TRAPPC11: variants seen among roughly 807,000 people sequenced by gnomAD.
TRAPPC11 encodes foie gras homolog.
A neutral mutation model predicts 151.2 loss-of-function variants in TRAPPC11; 104 were observed. The ratio of observed to expected loss-of-function variants is 0.69; its 90% CI spans 0.59 to 0.81. The LOEUF (loss-of-function observed/expected upper bound fraction) is 0.81. Ranked by LOEUF, TRAPPC11 falls within the 30% of genes least tolerant of loss-of-function variation. The pLI, the probability that TRAPPC11 is intolerant of heterozygous loss-of-function variation, is 0.00. For synonymous variants in TRAPPC11, 456 were observed against 472.3 expected, an observed-to-expected ratio of 0.97 and a Z score of 0.45; for missense variants, 1,230 against 1,349.6, an observed-to-expected ratio of 0.91 and a Z score of 1.39.
intron 1 of TRAPPC11, 66 bp downstream of exon 1, chr4:183,659,513 C>G (rs930049362): frequency 6.6e-6 from 1 of 152,642 alleles, no homozygotes; most frequent in African/African-American, 2.4e-5. Context: ...TAGCTCTTAA[C>G]AATGCTGGTT....
chr4:183,676,758 T>A (rs1223884988), intron 7 of TRAPPC11, among the ~76,000 whole-genome samples: 1 of 152,190 alleles, frequency 6.6e-6, no homozygotes, highest in Non-Finnish European at 1.5e-5. Flanking sequence ...GTTAAAAAGC[T>A]GTTGACCTGT....
Position 183,675,475 on chromosome 4 carries a change from T to G in TRAPPC11, c.734+238T>G, listed in dbSNP as rs529134520. ...AGCTTTCTGGTTTGATTAATTAAATTTTATGAGCCACAGAAATGTAATATT... is the reference window on the plus strand; with the variant it reads ...AGCTTTCTGGTTTGATTAATTAAATGTTATGAGCCACAGAAATGTAATATT... On this transcript the variant is annotated intron_variant, in intron 7 of 29. Coordinates refer to ENST00000334690, the MANE Select transcript of TRAPPC11 (RefSeq NM_021942.6). 67 of 248,432 alleles carry G rather than the reference T, an allele frequency of 2.7e-4. No homozygotes were observed. The East Asian group carries it at 4.7e-3, about 18-fold the overall frequency. 15.4% of individuals were successfully genotyped at this position (248,432 alleles called of 1,614,324 possible).
At chr4:183,663,128 G>T (rs765154297) in intron 1 of TRAPPC11, among the ~76,000 whole-genome samples, 3 of 152,000 alleles carry the variant, frequency 2.0e-5, no homozygotes, top group Non-Finnish European at 4.4e-5. Context: ...GTGGAGTGCC[G>T]TGATCTTGGC....
intron 5 of TRAPPC11, among the ~76,000 whole-genome samples, chr4:183,670,208 A>G (rs1256730061): frequency 6.6e-6 from 1 of 152,214 alleles, no homozygotes; most frequent in Admixed American, 6.5e-5. Flanking sequence ...TATACATGCT[A>G]CAATGATTTC....
Position 183,684,339 on chromosome 4 carries a change from G to A in TRAPPC11, c.1401G>A (p.Lys467=), listed in dbSNP as rs202145488. The A allele has an allele frequency of 6.8e-6, 11 of 1,613,510 alleles. No individual in the cohort carries two copies. The highest frequency in any genetic ancestry group is 2.5e-6 in the Non-Finnish European group (3 of 1,179,682). The stretch of plus-strand genomic sequence containing the variant: ...TGGGAGAGGAATATTATTACGCAAA[G>A]GATTATACCAAAGCTTTGAAGTGAG... ...VQMGEEYYYA[K]DYTKALKLLD... Residue 467 remains lysine (K), a synonymous_variant, in exon 14 of 30, where the codon AAG becomes AAA. Transcript: ENST00000334690.
Position 183,693,623 on chromosome 4 carries a change from C to T in TRAPPC11, c.2272C>T (p.Leu758=). ...CAGAGTCCCAAACATTTCTGTACATCTGCTACATGAACCCCCTGCACTGAC... is the reference window on the plus strand; with the variant it reads ...CAGAGTCCCAAACATTTCTGTACATTTGCTACATGAACCCCCTGCACTGAC... ...ISRVPNISVH[L]LHEPPALTNE... The change falls in exon 21 of 30, where the codon CTG becomes TTG. Residue 758 remains leucine (L), a synonymous_variant. Transcript: ENST00000334690. 1 of 1,613,840 alleles carries T rather than the reference C, an allele frequency of 6.2e-7. No homozygotes were observed. Among genetic ancestry groups the T allele is most frequent in the East Asian group, 2.2e-5 (1 of 44,864 alleles).
chr4:183,672,531 A>G (rs78688287), intron 5 of TRAPPC11, among the ~76,000 whole-genome samples: 3,660 of 152,324 alleles, frequency 0.024, 153 homozygotes, highest in African/African-American at 0.083. Context: ...GAAACTGGTT[A>G]TAAGGTTTTC....
chr4:183,701,567 T>C, intron 25 of TRAPPC11, 130 bp from the exon 26 acceptor site: 1 of 638,784 alleles, frequency 1.6e-6, no homozygotes, highest in South Asian at 2.0e-5. Flanking sequence ...CTCTGAACCC[T>C]ACTTTCTAAG....
chr4:183,693,993 T>C lies in TRAPPC11; in HGVS notation c.2463T>C (p.Ala821=), dbSNP rs1736398541. 1 of 1,613,970 alleles carries C rather than the reference T, an allele frequency of 6.2e-7. No homozygotes were observed. The highest frequency in any genetic ancestry group is 1.1e-5 in the South Asian group (1 of 91,084). The change falls in exon 22 of 30, where the codon GCT becomes GCC. Residue 821 remains alanine (A), a synonymous_variant. Transcript: ENST00000334690. ...AACTGTGTGATGAATCCTACCCGGC[T>C]TTACTCACTGACATTCCTGTTGGAG... is the stretch of plus-strand genomic sequence containing the variant. ...GTELCDESYP[A]LLTDIPVGDL...
At position 183,697,808 on chromosome 4, in the gene TRAPPC11, G is replaced by A. The variant is rs772033624; in HGVS notation, c.2824G>A (p.Asp942Asn). 17 of 1,613,818 alleles carry A rather than the reference G, an allele frequency of 1.1e-5. No individual in the cohort carries two copies. Among genetic ancestry groups the A allele is most frequent in the Non-Finnish European group, 1.4e-5 (17 of 1,180,000 alleles). The stretch of plus-strand genomic sequence containing the variant: ...GCTTGCTCCATCCATGACCACAGTG[G>A]ACCAGCTCGAGTCTCAAGTGGACAA... Reference protein sequence around the residue: ...LQLAPSMTTVDQLESQVDNVI... With the variant: ...LQLAPSMTTVNQLESQVDNVI... Residue 942 changes from aspartate (D) to asparagine (N), a missense_variant, in exon 25 of 30, where the codon GAC (aspartate) becomes AAC (asparagine). Asp to Asn is a conservative substitution (Grantham distance 23). Coordinates refer to ENST00000334690, the MANE Select transcript of TRAPPC11 (RefSeq NM_021942.6).
intron 10 of TRAPPC11, among the ~76,000 whole-genome samples, chr4:183,681,506 T>C (rs149550346): frequency 0.034 from 5,190 of 152,140 alleles, 329 homozygotes; most frequent in African/African-American, 0.12. Flanking sequence ...ATGGGCCGGG[T>C]GCGGTGGCTC....
chr4:183,687,193 T>C (rs1736022111), intron 18 of TRAPPC11, among the ~76,000 whole-genome samples: 1 of 151,900 alleles, frequency 6.6e-6, no homozygotes, highest in African/African-American at 2.4e-5. Flanking sequence ...AATATATATA[T>C]ATATATGTTT....
In TRAPPC11 at chr4:183,712,646, G is replaced by C. The variant is rs763227337; in HGVS notation, c.*2G>C. The stretch of plus-strand genomic sequence containing the variant: ...GATACCTCTATTGCTGCTGCATGAT[G>C]TTCAAGACCGGCCCTTGGCTGTTGT... On this transcript the variant is annotated 3_prime_UTR_variant, in exon 30 of 30. Transcript: ENST00000334690. The C allele has an allele frequency of 3.4e-5, 55 of 1,613,974 alleles. No homozygotes were observed. Among genetic ancestry groups the C allele is most frequent in the Admixed American group, 1.0e-4 (6 of 60,000 alleles).
intron 18 of TRAPPC11, among the ~76,000 whole-genome samples, chr4:183,686,998 G>A (rs1736009821): frequency 6.6e-6 from 1 of 152,098 alleles, no homozygotes. Context: ...GGCCAACATG[G>A]TGAAACCCCG....
chr4:183,684,467 G>A, intron 14 of TRAPPC11, 108 bp downstream of exon 14: 1 of 1,098,262 alleles, frequency 9.1e-7, no homozygotes. Flanking sequence ...TATTTCTATT[G>A]TTGTTAAACT....
At chr4:183,676,547 A>G (rs977260099) in intron 7 of TRAPPC11, among the ~76,000 whole-genome samples, 3 of 152,226 alleles carry the variant, frequency 2.0e-5, no homozygotes, top group African/African-American at 4.8e-5. Flanking sequence ...TGGAAAAGTT[A>G]TGAACAAACT....
rs192447371 is a variant in TRAPPC11 at position 183,674,979 on chromosome 4, C to T, written c.660+167C>T. 3 of 575,370 alleles carry T rather than the reference C, an allele frequency of 5.2e-6. No homozygotes were observed. In the Admixed American group the frequency reaches 1.2e-4, roughly 23 times the overall value. 35.6% of individuals were successfully genotyped at this position (575,370 alleles called of 1,614,324 possible). A position where few individuals can be genotyped will look rare whatever the true frequency, so the allele number is the denominator to read the frequency against. ...ATTTGTTTTTAAATTAAACTCTTTG[C>T]TTTTAAAGTTCTTAAAGGTAGATTT... On this transcript the variant is annotated intron_variant, in intron 6 of 29. Coordinates refer to ENST00000334690, the MANE Select transcript of TRAPPC11 (RefSeq NM_021942.6).
At chr4:183,711,723 G>A (rs1561068808) in intron 29 of TRAPPC11, among the ~76,000 whole-genome samples, 3 of 100,734 alleles carry the variant, frequency 3.0e-5, no homozygotes. Context: ...CCTCGGGAAT[G>A]CCTCAGAATC....
At chr4:183,680,010 G>T (rs1735595468) in intron 9 of TRAPPC11, 110 bp from the exon 10 acceptor site, 1 of 817,078 alleles carries the variant, frequency 1.2e-6, no homozygotes. Context: ...TTCATCAATA[G>T]CACCATTTTA....
Sources: gnomAD v4.1 joint callset for allele counts (sites outside exome capture counted in the v4.1 genomes callset) on GRCh38, gnomAD v4.1.1 for gene constraint, MANE v1.5 for transcripts, NCBI Gene and HGNC (gene_info 2026-07-23, HGNC 2026-07-21) for gene names.